The following SUMF2 variants were observed in gnomAD, a reference collection of about 807,000 sequenced individuals.
SUMF2 encodes the protein inactive C-alpha-formylglycine-generating enzyme 2.
SUMF2 carries 45 observed loss-of-function variants against 44.8 expected under a neutral mutation model. That is an observed-to-expected ratio of 1.00 (90% CI 0.79 to 1.29). The LOEUF is 1.29. Among genes scored for constraint, SUMF2 ranks in the 50% most tolerant of loss-of-function variants. The pLI is 0.00. For synonymous variants in SUMF2, 148 were observed against 150.4 expected (o/e 0.98, Z 0.12); for missense variants, 418 against 389.9 (o/e 1.07, Z -0.61).
chr7:56,087,791 G>A, the SUMF2 span: 1 of 1,599,726 alleles, frequency 6.3e-7, no homozygotes, highest in Non-Finnish European at 8.5e-7. Flanking sequence ...GAGTGCAGAG[G>A]ACAGATGGCC....
At chr7:56,079,503 C>T in intron 8 of SUMF2, 25 bp from the exon 9 acceptor site, 1 of 1,602,122 alleles carries the variant, frequency 6.2e-7, no homozygotes. Flanking sequence ...ACGTGTCTGT[C>T]CTCTCTCCCC....
intron 6 of SUMF2, 76 bp downstream of exon 6, chr7:56,076,965 CG>C (rs1795602986): frequency 1.4e-6 from 2 of 1,428,342 alleles, no homozygotes; most frequent in Non-Finnish European, 1.9e-6. Flanking sequence ...TGTTAGGCCG[CG>C]GCATCCAGAA....
At chr7:56,066,082 C>CAAAAA (rs71015176) in intron 1 of SUMF2, among the ~76,000 whole-genome samples, 138 of 69,278 alleles carry the variant, frequency 2.0e-3, no homozygotes, top group Non-Finnish European at 2.0e-3. Flanking sequence ...CTCCGCCTCA[C>CAAAAA]AAAAAAAAAA....
chr7:56,082,887 CGT>C, downstream of SUMF2, among the ~76,000 whole-genome samples: 2 of 151,870 alleles, frequency 1.3e-5, no homozygotes, highest in Non-Finnish European at 2.9e-5. Flanking sequence ...GCGGGCGGAT[CGT>C]AAGGTCAGGA....
intron 2 of SUMF2, 126 bp downstream of exon 2, chr7:56,068,764 C>T (rs1452947340): frequency 2.6e-5 from 29 of 1,111,402 alleles, no homozygotes; most frequent in Admixed American, 1.7e-4. Flanking sequence ...AGTGCAGTGG[C>T]GCAATCTCGC....
intron 2 of SUMF2, among the ~76,000 whole-genome samples, 190 bp downstream of exon 2, chr7:56,068,828 G>A (rs1304127380): frequency 1.3e-5 from 2 of 150,716 alleles, no homozygotes; most frequent in Admixed American, 6.6e-5. Context: ...TTCGCCTGCC[G>A]AGCAGCTGGA....
downstream of SUMF2, among the ~76,000 whole-genome samples, chr7:56,085,217 T>G (rs1796202950): frequency 6.6e-6 from 1 of 152,054 alleles, no homozygotes; most frequent in Non-Finnish European, 1.5e-5. Context: ...TGCCTCAGCC[T>G]CCCAAAGTAC....
At chr7:56,076,737 TA>T in intron 5 of SUMF2, 96 bp from the exon 6 acceptor site, 1 of 1,179,780 alleles carries the variant, frequency 8.5e-7, no homozygotes, top group Non-Finnish European at 1.2e-6. Context: ...CATCACCCTC[TA>T]ACTTCCTTTT....
intron 1 of SUMF2, among the ~76,000 whole-genome samples, chr7:56,067,704 G>A (rs1794894833): frequency 6.6e-6 from 1 of 151,722 alleles, no homozygotes; most frequent in South Asian, 2.1e-4. Flanking sequence ...ACCAGCCTGG[G>A]CGACATAACA....
At chr7:56,066,084 A>C (rs1319344250) in intron 1 of SUMF2, among the ~76,000 whole-genome samples, 12 of 105,754 alleles carry the variant, frequency 1.1e-4, no homozygotes, top group Non-Finnish European at 2.0e-4. Context: ...CCGCCTCACA[A>C]AAAAAAAAAA....
Position 56,072,996 on chromosome 7 carries a change from G to C in SUMF2, c.225-1G>C. On this transcript the variant is annotated splice_acceptor_variant, in intron 2 of 8. Coordinates refer to ENST00000434526, the MANE Select transcript of SUMF2 (RefSeq NM_015411.4). LOFTEE classifies it high-confidence loss of function. ...GAACCAGCTGAACTATGTCTTTATA[G>C]GGATTTTGTCAGGGAGAAAAAGTAT... The C allele has an allele frequency of 6.2e-7, 1 of 1,613,032 alleles. No individual in the cohort carries two copies.
chr7:56,074,575 C>T lies in SUMF2; in HGVS notation c.385-11C>T. On this transcript the variant is annotated splice_polypyrimidine_tract_variant and intron_variant, in intron 4 of 8. Transcript: ENST00000434526. ...TCCCGGAAGCCTGTCTCACTTAATC[C>T]TGGCTGTCAGCCTGCAGGTCCTGGC... is the stretch of plus-strand genomic sequence containing the variant. The T allele has an allele frequency of 1.2e-6, 2 of 1,613,718 alleles. No homozygotes were observed. Among genetic ancestry groups the T allele is most frequent in the Non-Finnish European group, 1.7e-6 (2 of 1,179,722 alleles).
Position 56,080,114 on chromosome 7 carries a change from A to AAC in SUMF2, c.*504_*505dup, listed in dbSNP as rs2117516029. The AAC allele has an allele frequency of 3.8e-6, 2 of 525,028 alleles. No homozygotes were observed. Among genetic ancestry groups the AAC allele is most frequent in the Non-Finnish European group, 3.4e-6 (1 of 295,198 alleles). 32.5% of individuals were successfully genotyped at this position (525,028 alleles called of 1,614,324 possible). A position where few individuals can be genotyped will look rare whatever the true frequency, so the allele number is the denominator to read the frequency against. ...TGAAGGAAACTAGTTTCCACTGTGT[A>AAC]ACAGGCAGACATGTAACTATTTAAA... On this transcript the variant is annotated 3_prime_UTR_variant, in exon 9 of 9. Coordinates refer to ENST00000434526, the MANE Select transcript of SUMF2 (RefSeq NM_015411.4).
chr7:56,070,057 C>T (rs894287727), intron 2 of SUMF2, among the ~76,000 whole-genome samples: 2 of 151,906 alleles, frequency 1.3e-5, no homozygotes, highest in African/African-American at 4.8e-5. Context: ...TACAGGCATG[C>T]ACCACCACGC....
At chr7:56,087,518 G>C in the SUMF2 span, 1 of 1,407,234 alleles carries the variant, frequency 7.1e-7, no homozygotes, top group Non-Finnish European at 9.8e-7. Flanking sequence ...CTGTGCGGTG[G>C]GGCCACACTC....
chr7:56,066,082 C>CAAAAAAAAAAAAAAAAAAAAAAATAA (rs1794771763), intron 1 of SUMF2, among the ~76,000 whole-genome samples: 4 of 69,684 alleles, frequency 5.7e-5, no homozygotes, highest in Non-Finnish European at 1.1e-4. Flanking sequence ...CTCCGCCTCA[C>CAAAAAAAAAAAAAAAAAAAAAAATAA]AAAAAAAAAA....
At chr7:56,084,363 T>G, downstream of SUMF2, 1 of 552,562 alleles carries the variant, frequency 1.8e-6, no homozygotes, top group Non-Finnish European at 3.1e-6. Flanking sequence ...AGGACGTGAG[T>G]ATCCCGATTT....
intron 3 of SUMF2, 192 bp downstream of exon 3, chr7:56,073,303 T>G (rs1459866464): frequency 1.5e-6 from 1 of 650,628 alleles, no homozygotes; most frequent in Middle Eastern, 2.7e-4. Context: ...GAACCCAAGT[T>G]AGCTCTTGCC....
chr7:56,064,525 G>T (rs1276748602), intron 1 of SUMF2, 147 bp downstream of exon 1: 14 of 1,150,058 alleles, frequency 1.2e-5, no homozygotes, highest in Non-Finnish European at 1.7e-5. Flanking sequence ...TGCGCGTGGC[G>T]CCTCACCGCC....
Sources: gnomAD v4.1 joint callset for allele counts (sites outside exome capture counted in the v4.1 genomes callset) on GRCh38, gnomAD v4.1.1 for gene constraint, MANE v1.5 for transcripts, NCBI Gene and HGNC (gene_info 2026-07-23, HGNC 2026-07-21) for gene names.